Variants in SCARA3 observed in about 807,000 individuals in gnomAD.
The protein encoded by SCARA3 is scavenger receptor class A member 3.
Under a neutral mutation model 47.0 loss-of-function variants are expected in SCARA3, and 39 were observed. The ratio of observed to expected loss-of-function variants is 0.83; its 90% confidence interval spans 0.64 to 1.08. The LOEUF (loss-of-function observed/expected upper bound fraction) is 1.08. Among genes scored for constraint, SCARA3 ranks in the 50% least tolerant of loss-of-function variants. The probability of loss-of-function intolerance (pLI) is 0.00; values close to 1 mark genes in which losing one functional copy is unlikely to be tolerated. For synonymous variants in SCARA3, 356 were observed against 334.1 expected (o/e 1.07, Z -0.71); for missense variants, 724 against 792.3 (o/e 0.91, Z 1.04).
the SCARA3 span, among the ~76,000 whole-genome samples, chr8:27,713,558 A>C: frequency 6.6e-6 from 1 of 152,120 alleles, no homozygotes; most frequent in Non-Finnish European, 1.5e-5. Flanking sequence ...TATCAAATGG[A>C]TTATAATCCA....
At chr8:27,711,371 G>A in the SCARA3 span, among the ~76,000 whole-genome samples, 1 of 152,128 alleles carries the variant, frequency 6.6e-6, no homozygotes, top group Non-Finnish European at 1.5e-5. Context: ...TCAATCCATT[G>A]CACTTATTTT....
intron 5 of SCARA3, among the ~76,000 whole-genome samples, chr8:27,668,546 CAA>C (rs61162841): frequency 2.6e-4 from 18 of 69,804 alleles, no homozygotes; most frequent in Admixed American, 8.0e-4. Context: ...GACTCCGTCT[CAA>C]AAAAAAAAAA....
At chr8:27,716,157 T>C in the SCARA3 span, among the ~76,000 whole-genome samples, 1 of 151,148 alleles carries the variant, frequency 6.6e-6, no homozygotes, top group African/African-American at 2.4e-5. Flanking sequence ...AAAAAAAAAG[T>C]TTTTAATTAG....
chr8:27,645,358 AACCCTGTGCTGAAAG>A (rs1801471109), intron 1 of SCARA3, among the ~76,000 whole-genome samples: 1 of 152,270 alleles, frequency 6.6e-6, no homozygotes, highest in Non-Finnish European at 1.5e-5. Flanking sequence ...CTATGTGATC[AACCCTGTGCTGAAAG>A]CAGTTGAGGG....
At chr8:27,709,065 T>C in the SCARA3 span, among the ~76,000 whole-genome samples, 2 of 152,174 alleles carry the variant, frequency 1.3e-5, no homozygotes, top group Admixed American at 1.3e-4. Context: ...ACAGAATATG[T>C]CCTCGAGAAA....
chr8:27,670,460 C>G (rs140612376), intron 5 of SCARA3, among the ~76,000 whole-genome samples: 3 of 152,322 alleles, frequency 2.0e-5, no homozygotes, highest in East Asian at 1.9e-4. Context: ...CTGGGACACA[C>G]CTATTTCTCA....
intron 3 of SCARA3, among the ~76,000 whole-genome samples, chr8:27,653,687 T>A (rs1401911813): frequency 6.6e-6 from 1 of 151,750 alleles, no homozygotes; most frequent in Non-Finnish European, 1.5e-5. Flanking sequence ...GGAAAATCAG[T>A]CAGCAGACAT....
the SCARA3 span, among the ~76,000 whole-genome samples, chr8:27,711,066 G>A: frequency 6.6e-6 from 1 of 152,046 alleles, no homozygotes; most frequent in African/African-American, 2.4e-5. Context: ...GGGATTACAG[G>A]CATCTGCCAC....
At chr8:27,660,840 AGC>A (rs1801895669) in intron 5 of SCARA3, among the ~76,000 whole-genome samples, 3 of 50,738 alleles carry the variant, frequency 5.9e-5, no homozygotes, top group African/African-American at 1.2e-4. Flanking sequence ...ATAGCTAGCT[AGC>A]TAGATAGATA....
the SCARA3 span, among the ~76,000 whole-genome samples, chr8:27,713,001 C>T: frequency 6.6e-6 from 1 of 152,126 alleles, no homozygotes; most frequent in Non-Finnish European, 1.5e-5. Context: ...TTTCACCAAA[C>T]AAGGATATTT....
chr8:27,718,351 G>C, the SCARA3 span, among the ~76,000 whole-genome samples: 1 of 152,258 alleles, frequency 6.6e-6, no homozygotes, highest in East Asian at 1.9e-4. Context: ...GAAATGATCA[G>C]GTGTCTCGTG....
Position 27,659,112 on chromosome 8 carries a change from C to T in SCARA3, c.942C>T (p.Ile314=). The change falls in exon 5 of 6, where the codon ATC becomes ATT. Residue 314 remains isoleucine (I), a synonymous_variant. Coordinates refer to ENST00000301904, the MANE Select transcript of SCARA3 (RefSeq NM_016240.3). ...VMGLQLQLDN[I]SSFLDDHEEN... ...GCTTGCAGCTGCAGCTGGATAACATCTCGTCCTTCCTGGATGACCACGAAG... is the reference window on the plus strand; with the variant it reads ...GCTTGCAGCTGCAGCTGGATAACATTTCGTCCTTCCTGGATGACCACGAAG... The T allele has an allele frequency of 6.2e-7, 1 of 1,614,132 alleles. No individual in the cohort carries two copies. The highest frequency in any genetic ancestry group is 8.5e-7 in the Non-Finnish European group (1 of 1,180,034).
At chr8:27,715,865 C>CATAGATAGATAGATAGATACATAG in the SCARA3 span, among the ~76,000 whole-genome samples, 1 of 90,034 alleles carries the variant, frequency 1.1e-5, no homozygotes, top group Non-Finnish European at 2.4e-5. The surrounding 1 kb of genome is among the most constrained non-coding windows in gnomAD (Gnocchi z 4.2). Context: ...TAGATAGATA[C>CATAGATAGATAGATAGATACATAG]ATAGATAGAT....
At chr8:27,646,928 C>T (rs1223959652) in intron 1 of SCARA3, among the ~76,000 whole-genome samples, 1 of 149,418 alleles carries the variant, frequency 6.7e-6, no homozygotes, top group Non-Finnish European at 1.5e-5. Flanking sequence ...TTGCTGTTCC[C>T]GCTTTACCCT....
At chr8:27,638,004 C>G (rs2128914209) in intron 1 of SCARA3, among the ~76,000 whole-genome samples, 1 of 152,194 alleles carries the variant, frequency 6.6e-6, no homozygotes, top group Non-Finnish European at 1.5e-5. Context: ...TCCAGGGAGC[C>G]CAGCGGCTCA....
At chr8:27,666,267 A>G (rs1018209074) in intron 5 of SCARA3, among the ~76,000 whole-genome samples, 9 of 152,202 alleles carry the variant, frequency 5.9e-5, no homozygotes, top group African/African-American at 1.7e-4. Flanking sequence ...GCACAAACCA[A>G]TAACAAATCC....
chr8:27,642,126 A>G (rs1469917106), intron 1 of SCARA3, among the ~76,000 whole-genome samples: 1 of 152,210 alleles, frequency 6.6e-6, no homozygotes, highest in East Asian at 1.9e-4. Flanking sequence ...AGAGTATGCC[A>G]TGTTTTCCAC....
At chr8:27,708,689 A>T in the SCARA3 span, among the ~76,000 whole-genome samples, 3 of 152,178 alleles carry the variant, frequency 2.0e-5, no homozygotes, top group African/African-American at 7.2e-5. Flanking sequence ...TTCTTTAAAA[A>T]ATTTTTCAAT....
the SCARA3 span, among the ~76,000 whole-genome samples, chr8:27,693,363 G>T: frequency 1.3e-5 from 2 of 152,112 alleles, no homozygotes; most frequent in African/African-American, 4.8e-5. Flanking sequence ...CTCATATTTG[G>T]CTCAGAATAA....
Sources: allele counts gnomAD v4.1 joint callset (sites outside exome capture counted in the v4.1 genomes callset), GRCh38; gene constraint gnomAD v4.1.1; non-coding constraint Gnocchi (gnomAD v3.1); transcripts MANE v1.5; gene names NCBI Gene and HGNC (gene_info 2026-07-23, HGNC 2026-07-21).